STK33: variants seen among roughly 807,000 people sequenced by gnomAD.
STK33 encodes the protein serine/threonine kinase 33.
A neutral mutation model predicts 58.0 loss-of-function variants in STK33; 52 were observed. The observed-to-expected ratio is 0.90, with a 90% CI of 0.72 to 1.13. STK33 has a LOEUF of 1.13. Ranked by LOEUF, STK33 falls within the 50% of genes most tolerant of loss-of-function variation. The probability of loss-of-function intolerance (pLI) is 0.00; values close to 1 mark genes in which losing one functional copy is unlikely to be tolerated. For missense variants in STK33, 630 were observed against 604.2 expected (o/e 1.04, Z -0.45); for synonymous variants, 215 against 200.1 (o/e 1.07, Z -0.63).
chr11:8,578,482 C>CA (rs914207948), intron 1 of STK33, among the ~76,000 whole-genome samples: 40 of 151,732 alleles, frequency 2.6e-4, no homozygotes, highest in African/African-American at 9.7e-4. Context: ...TATTTTTAGG[C>CA]AAAAAATCAA....
the STK33 span, among the ~76,000 whole-genome samples, chr11:8,367,885 G>A: frequency 2.8e-4 from 42 of 152,142 alleles, no homozygotes; most frequent in African/African-American, 8.7e-4. Context: ...ACACACACAC[G>A]TATACACAGT....
chr11:8,421,931 T>C (rs985013840), intron 14 of STK33, among the ~76,000 whole-genome samples: 5 of 152,162 alleles, frequency 3.3e-5, no homozygotes, highest in African/African-American at 1.2e-4. Context: ...TCCAGCTACC[T>C]TTCTCAGCTC....
chr11:8,374,261 C>G, the STK33 span, among the ~76,000 whole-genome samples: 1 of 152,190 alleles, frequency 6.6e-6, no homozygotes, highest in Non-Finnish European at 1.5e-5. Context: ...GAGCTCAGGC[C>G]CCTCCCTAGC....
At chr11:8,337,092 A>C in the STK33 span, among the ~76,000 whole-genome samples, 3,060 of 152,346 alleles carry the variant, frequency 0.02, 80 homozygotes, top group African/African-American at 0.058. Context: ...TCTCTGAGCA[A>C]GCGGCCTTCC....
At position 8,584,709 on chromosome 11, in the gene STK33, T is replaced by A. The variant is rs2031163367; in HGVS notation, c.-466+9374A>T. On this transcript the variant is annotated intron_variant, in intron 1 of 15. Coordinates refer to ENST00000687296, the MANE Select transcript of STK33 (RefSeq NM_001352389.2). Reference sequence around the variant, plus strand: ...TCTCAGCCATCCAATAGGAAAGGTCTTTTCTGTTACCAAGTGCCAGGGCAA... The same window carrying A: ...TCTCAGCCATCCAATAGGAAAGGTCATTTCTGTTACCAAGTGCCAGGGCAA... Among the ~76,000 whole-genome samples the A allele has an allele frequency of 2.6e-5, 4 of 152,240 alleles. No homozygotes were observed. In the South Asian group the frequency reaches 8.3e-4, roughly 32 times the overall value.
At chr11:8,352,767 C>T in the STK33 span, among the ~76,000 whole-genome samples, 4 of 152,180 alleles carry the variant, frequency 2.6e-5, no homozygotes, top group Non-Finnish European at 5.9e-5. Flanking sequence ...AAGCCATCAT[C>T]AAGGCGTAAT....
chr11:8,394,782 G>GTT (rs1464871363), intron 15 of STK33, among the ~76,000 whole-genome samples: 1 of 152,160 alleles, frequency 6.6e-6, no homozygotes, highest in Non-Finnish European at 1.5e-5. Context: ...ACTAAACAAT[G>GTT]TTTAGTTGCT....
intron 10 of STK33, among the ~76,000 whole-genome samples, chr11:8,453,246 A>G (rs565394288): frequency 6.6e-6 from 1 of 152,334 alleles, no homozygotes; most frequent in South Asian, 2.1e-4. Flanking sequence ...TGTTTTTAAA[A>G]AAAGTTCTTT....
chr11:8,486,732 G>C (rs536348819), intron 1 of STK33, among the ~76,000 whole-genome samples: 10 of 152,170 alleles, frequency 6.6e-5, no homozygotes, highest in Non-Finnish European at 1.5e-4. Context: ...TGTATAGAAG[G>C]CAGGACAAGG....
At chr11:8,489,800 A>T (rs1314564666) in intron 1 of STK33, among the ~76,000 whole-genome samples, 1 of 152,238 alleles carries the variant, frequency 6.6e-6, no homozygotes, top group Admixed American at 6.5e-5. Flanking sequence ...GGAGTTAAAA[A>T]GCATAATAAC....
At chr11:8,367,607 A>C in the STK33 span, among the ~76,000 whole-genome samples, 2 of 152,204 alleles carry the variant, frequency 1.3e-5, no homozygotes, top group Non-Finnish European at 2.9e-5. Flanking sequence ...GGGGTTCCAG[A>C]CTAAAGATGC....
intron 1 of STK33, among the ~76,000 whole-genome samples, chr11:8,561,652 C>T (rs1419019345): frequency 6.6e-6 from 1 of 152,120 alleles, no homozygotes; most frequent in African/African-American, 2.4e-5. Context: ...ATCAGGCACA[C>T]CAATAACACA....
At chr11:8,404,341 G>A (rs1938693764) in intron 15 of STK33, among the ~76,000 whole-genome samples, 2 of 152,142 alleles carry the variant, frequency 1.3e-5, no homozygotes, top group Admixed American at 6.5e-5. Flanking sequence ...AGTTTGATGA[G>A]TTTTGACAAA....
intron 15 of STK33, among the ~76,000 whole-genome samples, chr11:8,398,327 AT>A (rs1238350274): frequency 6.6e-6 from 1 of 152,200 alleles, no homozygotes; most frequent in African/African-American, 2.4e-5. Flanking sequence ...AAAGCAAAGA[AT>A]TTTCAACCCA....
At chr11:8,592,120 T>C (rs944635115) in intron 1 of STK33, among the ~76,000 whole-genome samples, 2 of 152,150 alleles carry the variant, frequency 1.3e-5, no homozygotes, top group Admixed American at 6.5e-5. Context: ...AGCCCAGTCT[T>C]GATTCCAGTT....
At chr11:8,454,262 G>A (rs978024291) in intron 10 of STK33, among the ~76,000 whole-genome samples, 41 of 152,054 alleles carry the variant, frequency 2.7e-4, no homozygotes, top group African/African-American at 9.2e-4. Flanking sequence ...TTGACATTAG[G>A]GAACACTTAA....
intron 11 of STK33, among the ~76,000 whole-genome samples, chr11:8,445,092 G>T (rs758144384): frequency 1.3e-5 from 2 of 152,102 alleles, no homozygotes; most frequent in Non-Finnish European, 2.9e-5. Flanking sequence ...CCTTGAAGAG[G>T]TCCTTCACAT....
chr11:8,424,859 G>A (rs1942498991), intron 14 of STK33, among the ~76,000 whole-genome samples: 1 of 139,612 alleles, frequency 7.2e-6, no homozygotes, highest in African/African-American at 2.9e-5. Context: ...AAATTTGTTT[G>A]AGTTCATTAT....
At position 8,474,467 on chromosome 11, in the gene STK33, T is replaced by C. The variant is rs779461185; in HGVS notation, c.225+214A>G. ...GTATAACGTGTTTAATTACCTCATG[T>C]CCTGAGAAATAATTAATTTGGGCAG... On this transcript the variant is annotated intron_variant, in intron 5 of 15. Transcript: ENST00000687296. Among the ~76,000 whole-genome samples the C allele has an allele frequency of 3.9e-5, 6 of 152,210 alleles. 1 individual carries two copies. The highest frequency in any genetic ancestry group is 7.2e-5 in the African/African-American group (3 of 41,450).
Sources: allele counts gnomAD v4.1 joint callset (sites outside exome capture counted in the v4.1 genomes callset), GRCh38; gene constraint gnomAD v4.1.1; transcripts MANE v1.5; gene names NCBI Gene and HGNC (gene_info 2026-07-23, HGNC 2026-07-21).